Variants in PRMT8 observed in about 807,000 individuals in gnomAD.
The protein encoded by PRMT8 is protein arginine methyltransferase 8.
Under a neutral mutation model 47.1 loss-of-function variants are expected in PRMT8, and 7 were observed. The ratio of observed to expected loss-of-function variants is 0.15; its 90% CI spans 0.08 to 0.28. The LOEUF (loss-of-function observed/expected upper bound fraction) is 0.28. PRMT8 is among the 10% of genes least tolerant of loss of function. PRMT8 has a pLI of 1.00. For synonymous variants in PRMT8, 188 were observed against 186.5 expected (o/e 1.01, Z -0.07); for missense variants, 237 against 505.4 (o/e 0.47, Z 5.09).
At chr12:3,558,747 A>T (rs1450605826) in intron 4 of PRMT8, among the ~76,000 whole-genome samples, 2 of 152,140 alleles carry the variant, frequency 1.3e-5, no homozygotes, top group Non-Finnish European at 2.9e-5. Context: ...CACAGACAGG[A>T]TGCTGTGTTC....
intron 1 of PRMT8, among the ~76,000 whole-genome samples, chr12:3,536,590 G>A (rs1429658030): frequency 6.6e-6 from 1 of 152,160 alleles, no homozygotes; most frequent in Non-Finnish European, 1.5e-5. Context: ...GTCAATACTG[G>A]GGTCAGCTTC....
chr12:3,588,686 G>T (rs1867234328), intron 8 of PRMT8, among the ~76,000 whole-genome samples: 1 of 152,220 alleles, frequency 6.6e-6, no homozygotes, highest in South Asian at 2.1e-4. Context: ...AATGCTGCAG[G>T]CAGTACTGGT....
Position 3,552,949 on chromosome 12 carries a change from CT to C in PRMT8, c.418-701del, listed in dbSNP as rs1425981508. On this transcript the variant is annotated intron_variant, in intron 3 of 9. Transcript: ENST00000382622. This position sits in a 1 kb window ranked among gnomAD's most constrained non-coding sequence, Gnocchi z 4.5. Reference sequence around the variant, plus strand: ...ATGTCCAGAACCCCTGGCAGTGTGCCTGAGACGCTAACCCTGGGCTGGAGCT... The same window carrying C: ...ATGTCCAGAACCCCTGGCAGTGTGCCGAGACGCTAACCCTGGGCTGGAGCT... 1.2e-5 allele frequency: 4 copies of C among 344,988 alleles called. No homozygotes were observed. Among genetic ancestry groups the C allele is most frequent in the Non-Finnish European group, 2.3e-5 (4 of 172,752 alleles). 21.4% of individuals were successfully genotyped at this position (344,988 alleles called of 1,614,324 possible). A position where few individuals can be genotyped will look rare whatever the true frequency, so the allele number is the denominator to read the frequency against.
chr12:3,424,111 C>T (rs1223861727), intron 1 of PRMT8, among the ~76,000 whole-genome samples: 1 of 152,182 alleles, frequency 6.6e-6, no homozygotes, highest in Non-Finnish European at 1.5e-5. Context: ...ATTTCTGGTA[C>T]TGGCACATTT....
intron 1 of PRMT8, among the ~76,000 whole-genome samples, chr12:3,452,672 G>C (rs1356561820): frequency 2.0e-4 from 31 of 152,184 alleles, no homozygotes; most frequent in Admixed American, 2.0e-3. Flanking sequence ...TTTATCCTAG[G>C]AACAGGGTCT....
intron 1 of PRMT8, among the ~76,000 whole-genome samples, chr12:3,464,281 A>C (rs888147959): frequency 5.9e-5 from 9 of 151,292 alleles, no homozygotes; most frequent in African/African-American, 1.5e-4. Flanking sequence ...AAAAAAAAAA[A>C]ACAAACTGCA....
chr12:3,569,443 T>C lies in PRMT8; in HGVS notation c.625-34T>C. Reference sequence around the variant, plus strand: ...GTGATGTCTTTGTCAGGTGAATAGATTACGAGACCCATTTCCCCACAATTC... The same window carrying C: ...GTGATGTCTTTGTCAGGTGAATAGACTACGAGACCCATTTCCCCACAATTC... On this transcript the variant is annotated intron_variant, in intron 5 of 9. Coordinates refer to ENST00000382622, the MANE Select transcript of PRMT8 (RefSeq NM_019854.5). This position sits in a 1 kb window ranked among gnomAD's most constrained non-coding sequence, Gnocchi z 8.2. 1 of 1,562,218 alleles carries C rather than the reference T, an allele frequency of 6.4e-7. No individual in the cohort carries two copies. Among genetic ancestry groups the C allele is most frequent in the Non-Finnish European group, 8.8e-7 (1 of 1,132,736 alleles).
At chr12:3,443,820 A>G (rs1471558834) in intron 1 of PRMT8, among the ~76,000 whole-genome samples, 1 of 151,786 alleles carries the variant, frequency 6.6e-6, no homozygotes, top group African/African-American at 2.4e-5. Context: ...ACCACCTCCA[A>G]CCCCTGGACC....
At chr12:3,549,851 G>A in intron 2 of PRMT8, 85 bp from the exon 3 acceptor site, 4 of 1,506,570 alleles carry the variant, frequency 2.7e-6, no homozygotes, top group Non-Finnish European at 3.6e-6. Flanking sequence ...AGGGTCACCT[G>A]GGGTGGTCCA....
At chr12:3,431,964 A>G (rs1864684429) in intron 1 of PRMT8, among the ~76,000 whole-genome samples, 1 of 152,242 alleles carries the variant, frequency 6.6e-6, no homozygotes, top group African/African-American at 2.4e-5. Context: ...TTAAAGGAGC[A>G]GGAATTTTTG....
intron 1 of PRMT8, among the ~76,000 whole-genome samples, chr12:3,520,713 A>G (rs1865868468): frequency 6.6e-6 from 1 of 152,212 alleles, no homozygotes; most frequent in Non-Finnish European, 1.5e-5. Flanking sequence ...AAATTACTCA[A>G]TAATTGTTCA....
At chr12:3,558,115 T>C (rs956626551) in intron 4 of PRMT8, among the ~76,000 whole-genome samples, 1 of 151,864 alleles carries the variant, frequency 6.6e-6, no homozygotes, top group African/African-American at 2.4e-5. Context: ...GAGTGTGGGG[T>C]GGGCCGGCAG....
chr12:3,394,524 C>T (rs372085768), intron 1 of PRMT8, among the ~76,000 whole-genome samples: 18 of 151,754 alleles, frequency 1.2e-4, no homozygotes, highest in South Asian at 8.3e-4. Flanking sequence ...TATTGATTTG[C>T]GTATATTGAA....
intron 1 of PRMT8, among the ~76,000 whole-genome samples, chr12:3,495,707 T>C (rs1057451026): frequency 6.6e-6 from 1 of 152,188 alleles, no homozygotes; most frequent in Non-Finnish European, 1.5e-5. Flanking sequence ...AAGTAATAAA[T>C]GTTAATAAAT....
At chr12:3,539,157 A>G (rs759475379) in intron 1 of PRMT8, among the ~76,000 whole-genome samples, 7 of 152,242 alleles carry the variant, frequency 4.6e-5, no homozygotes, top group South Asian at 2.1e-4. Flanking sequence ...GAACAAGGAC[A>G]TGATGTATGT....
rs77503163 is a variant in PRMT8, at chr12:3,495,583, C to G, written c.75+3883C>G. On this transcript the variant is annotated intron_variant, in intron 1 of 9. Coordinates refer to ENST00000382622, the MANE Select transcript of PRMT8 (RefSeq NM_019854.5). Reference sequence around the variant, plus strand: ...GGGGCATTACCCTTTCTTATGTGTTCCTAACGCCTGTCTCTCACTTTTCCT... The same window carrying G: ...GGGGCATTACCCTTTCTTATGTGTTGCTAACGCCTGTCTCTCACTTTTCCT... Among the ~76,000 whole-genome samples the G allele has an allele frequency of 6.8e-3, 1,031 of 152,308 alleles. 7 individuals are homozygous for G. The highest frequency in any genetic ancestry group is 0.023 in the African/African-American group (958 of 41,560).
rs544912975 is a variant in PRMT8 at position 3,576,798 on chromosome 12, C to T, written c.713-73C>T. 9.3e-4 allele frequency: 1,114 copies of T among 1,202,944 alleles called. 5 individuals are homozygous for T. Among genetic ancestry groups the T allele is most frequent in the Non-Finnish European group, 5.1e-4 (413 of 815,362 alleles). 74.5% of individuals were successfully genotyped at this position (1,202,944 alleles called of 1,614,324 possible). A position where few individuals can be genotyped will look rare whatever the true frequency, so the allele number is the denominator to read the frequency against. On this transcript the variant is annotated intron_variant, in intron 6 of 9. Coordinates refer to ENST00000382622, the MANE Select transcript of PRMT8 (RefSeq NM_019854.5). This position sits in a 1 kb window ranked among gnomAD's most constrained non-coding sequence, Gnocchi z 4.0. ...ACTCAGCCCTCAGGCACGCTGTGCT[C>T]TAGGACTCAGGAGGGTTGGGTGAGC...
At chr12:3,387,795 C>A (rs1446926500) in intron 1 of PRMT8, among the ~76,000 whole-genome samples, 1 of 152,158 alleles carries the variant, frequency 6.6e-6, no homozygotes, top group African/African-American at 2.4e-5. Flanking sequence ...CTTAGTTTCA[C>A]ATTTTTGTTT....
chr12:3,476,621 G>A (rs188304928), intron 1 of PRMT8, among the ~76,000 whole-genome samples: 114 of 152,242 alleles, frequency 7.5e-4, no homozygotes, highest in African/African-American at 2.6e-3. Flanking sequence ...GAAAGGTCAT[G>A]AGACAAGGTG....
Sources: gnomAD v4.1 joint callset for allele counts (sites outside exome capture counted in the v4.1 genomes callset) on GRCh38, gnomAD v4.1.1 for gene constraint, Gnocchi (gnomAD v3.1) non-coding constraint, MANE v1.5 for transcripts, NCBI Gene and HGNC (gene_info 2026-07-23, HGNC 2026-07-21) for gene names.